DAB1: variants seen among roughly 807,000 people sequenced by gnomAD.
The protein encoded by DAB1 is disabled homolog 1.
DAB1 carries 15 observed loss-of-function variants against 64.6 expected under a neutral mutation model. The observed-to-expected ratio is 0.23, with a 90% confidence interval of 0.16 to 0.36. The LOEUF is 0.36. Ranked by LOEUF, DAB1 falls within the 10% of genes least tolerant of loss-of-function variation. The probability of loss-of-function intolerance (pLI) is 1.00; values close to 1 mark genes in which losing one functional copy is unlikely to be tolerated. For synonymous variants in DAB1, 235 were observed against 251.9 expected (o/e 0.93, Z 0.64); for missense variants, 596 against 706.7 (o/e 0.84, Z 1.78).
intron 9 of DAB1, 84 bp from the exon 10 acceptor site, chr1:57,026,127 A>T (rs2100394778): frequency 1.0e-6 from 1 of 981,804 alleles, no homozygotes; most frequent in Non-Finnish European, 1.6e-6. Context: ...TGGTATGGGG[A>T]TACACATTTC....
intron 5 of DAB1, chr1:58,074,549 C>CACATATATATGTGTATAT (rs1557638906): frequency 3.0e-5 from 2 of 66,416 alleles, no homozygotes; most frequent in African/African-American, 1.3e-4. Flanking sequence ...TATATACACA[C>CACATATATATGTGTATAT]ATATATATAT....
chr1:58,459,587 A>G (rs1328077687), intron 3 of DAB1, among the ~76,000 whole-genome samples: 1 of 152,284 alleles, frequency 6.6e-6, no homozygotes, highest in Non-Finnish European at 1.5e-5. Context: ...AGAGGGAACA[A>G]AAATAAGAGT....
intron 7 of DAB1, among the ~76,000 whole-genome samples, chr1:57,548,572 T>C (rs148727744): frequency 8.4e-4 from 128 of 152,300 alleles, no homozygotes; most frequent in African/African-American, 2.8e-3. Flanking sequence ...AGCCTTTCAG[T>C]GAGACAGTCC....
At chr1:58,201,012 T>C (rs1329562424) in intron 4 of DAB1, among the ~76,000 whole-genome samples, 1 of 145,770 alleles carries the variant, frequency 6.9e-6, no homozygotes, top group East Asian at 2.1e-4. Context: ...AGTCTATTTT[T>C]GTTTGTTTTG....
upstream of DAB1, among the ~76,000 whole-genome samples, chr1:57,426,870 A>AT (rs1209825646): frequency 6.5e-4 from 94 of 145,026 alleles, no homozygotes; most frequent in African/African-American, 2.4e-3. Flanking sequence ...ATATATATAT[A>AT]TATATTTTTT....
rs542728751 is a variant in DAB1 at position 57,905,956 on chromosome 1, T to A, written n.388-21794A>T. Among the ~76,000 whole-genome samples, 7 of 152,326 alleles carry A rather than the reference T, an allele frequency of 4.6e-5. No individual in the cohort carries two copies. The East Asian group carries it at 1.3e-3, about 29-fold the overall frequency. On this transcript the variant is annotated intron_variant and non_coding_transcript_variant, in intron 5 of 20. Transcript: ENST00000485760. Reference sequence around the variant, plus strand: ...CAAAGCTTGTAATAGAGTTTGTCATTGCCTGAATGACATTCTTCCTTCTTC... The same window carrying A: ...CAAAGCTTGTAATAGAGTTTGTCATAGCCTGAATGACATTCTTCCTTCTTC...
At chr1:57,983,911 C>A (rs1326339780) in intron 5 of DAB1, among the ~76,000 whole-genome samples, 1 of 151,932 alleles carries the variant, frequency 6.6e-6, no homozygotes, top group African/African-American at 2.4e-5. Flanking sequence ...ACATTTTCCC[C>A]AGAATAGTGC....
intron 6 of DAB1, among the ~76,000 whole-genome samples, chr1:57,744,709 G>A (rs1340025866): frequency 6.6e-6 from 1 of 152,162 alleles, no homozygotes; most frequent in Non-Finnish European, 1.5e-5. Flanking sequence ...GATTCGATGA[G>A]GTACTCACAG....
chr1:57,127,375 T>C (rs936486615), intron 4 of DAB1, among the ~76,000 whole-genome samples: 53 of 152,206 alleles, frequency 3.5e-4, no homozygotes, highest in African/African-American at 1.3e-3. Flanking sequence ...CAGAGCACGT[T>C]AATATTTGTG....
chr1:57,796,288 G>A (rs1444181571), intron 6 of DAB1, among the ~76,000 whole-genome samples: 1 of 152,028 alleles, frequency 6.6e-6, no homozygotes, highest in African/African-American at 2.4e-5. Context: ...AGCACTTTGG[G>A]AGGCCGAGGC....
intron 5 of DAB1, among the ~76,000 whole-genome samples, chr1:58,026,870 G>A (rs893973470): frequency 6.6e-6 from 1 of 152,174 alleles, no homozygotes; most frequent in Non-Finnish European, 1.5e-5. Flanking sequence ...AATTTGCCAG[G>A]TGCCTGCACC....
chr1:57,455,192 C>T (rs188363451), intron 7 of DAB1, among the ~76,000 whole-genome samples: 1 of 152,254 alleles, frequency 6.6e-6, no homozygotes, highest in Admixed American at 6.5e-5. Context: ...TTATGCTTGG[C>T]ATATAAACAG....
intron 8 of DAB1, among the ~76,000 whole-genome samples, chr1:57,065,998 A>G (rs1386543212): frequency 6.6e-6 from 1 of 152,204 alleles, no homozygotes; most frequent in Non-Finnish European, 1.5e-5. Flanking sequence ...TAAAAACAGC[A>G]CATTCCGTAC....
At chr1:57,782,225 G>C (rs1208996001) in intron 6 of DAB1, among the ~76,000 whole-genome samples, 1 of 152,112 alleles carries the variant, frequency 6.6e-6, no homozygotes, top group Non-Finnish European at 1.5e-5. Flanking sequence ...CCAGAGAATG[G>C]ATCTTAAAAC....
At chr1:57,331,461 G>A (rs567470048) in intron 1 of DAB1, among the ~76,000 whole-genome samples, 9 of 152,328 alleles carry the variant, frequency 5.9e-5, no homozygotes, top group Non-Finnish European at 1.3e-4. Flanking sequence ...GACTTCTGGA[G>A]TCAAAAAGAC....
intron 5 of DAB1, among the ~76,000 whole-genome samples, chr1:58,072,088 G>C (rs1039644361): frequency 7.8e-6 from 1 of 128,418 alleles, no homozygotes; most frequent in Non-Finnish European, 1.7e-5. Flanking sequence ...GGTGGGGTGG[G>C]GGGGGGTGGG....
chr1:58,092,440 T>C (rs930692230), intron 5 of DAB1, among the ~76,000 whole-genome samples: 3 of 152,092 alleles, frequency 2.0e-5, no homozygotes, highest in African/African-American at 7.2e-5. Context: ...GAGATGACCA[T>C]CACATTCCTG....
At chr1:58,317,727 T>G (rs2100481099) in intron 4 of DAB1, among the ~76,000 whole-genome samples, 1 of 152,350 alleles carries the variant, frequency 6.6e-6, no homozygotes, top group South Asian at 2.1e-4. Context: ...GGTGAGTCCC[T>G]GAGCAGGGAG....
At chr1:57,205,920 A>G (rs1310224899) in intron 2 of DAB1, among the ~76,000 whole-genome samples, 1 of 152,236 alleles carries the variant, frequency 6.6e-6, no homozygotes, top group African/African-American at 2.4e-5. Context: ...ACATGTTTTT[A>G]TTGGCTCTTC....
Sources: gnomAD v4.1 joint callset for allele counts (sites outside exome capture counted in the v4.1 genomes callset) on GRCh38, gnomAD v4.1.1 for gene constraint, MANE v1.5 for transcripts, NCBI Gene and HGNC (gene_info 2026-07-23, HGNC 2026-07-21) for gene names.